Variants in LSAMP observed in about 807,000 individuals in gnomAD.
LSAMP encodes the protein limbic system associated membrane protein, also known as limbic system-associated membrane protein.
In LSAMP, 7 loss-of-function variants were observed where a neutral mutation model predicts 38.6. That is an observed-to-expected ratio of 0.18 (90% CI 0.10 to 0.34). The LOEUF is 0.34. LSAMP is among the 10% of genes least tolerant of loss of function. LSAMP has a pLI of 1.00. For synonymous variants in LSAMP, 154 were observed against 166.8 expected, an observed-to-expected ratio of 0.92 and a Z score of 0.59; for missense variants, 313 against 420.0, an observed-to-expected ratio of 0.75 and a Z score of 2.23.
chr3:116,275,944 C>T (rs750929037), intron 1 of LSAMP, among the ~76,000 whole-genome samples: 15 of 152,150 alleles, frequency 9.9e-5, no homozygotes, highest in Non-Finnish European at 2.1e-4. Context: ...CTTTTCATTT[C>T]ATTATGTAAA....
At chr3:116,175,766 T>C (rs1710323975) in intron 1 of LSAMP, among the ~76,000 whole-genome samples, 1 of 152,018 alleles carries the variant, frequency 6.6e-6, no homozygotes, top group Non-Finnish European at 1.5e-5. Flanking sequence ...TAAGTAGATA[T>C]ATTTGCAGGA....
rs977558298 is a variant in LSAMP at position 116,312,856 on chromosome 3, CTG to C, written c.155+132019_155+132020del. ...TGCAAGTGTGTGTGTATGTGTGTTT[CTG>C]TGTGTGTGTGTCTTCATCTGTAGAC... On this transcript the variant is annotated intron_variant, in intron 1 of 6. Coordinates refer to ENST00000490035, the MANE Select transcript of LSAMP (RefSeq NM_002338.5). Among the ~76,000 whole-genome samples the C allele has an allele frequency of 7.9e-5, 12 of 152,112 alleles. No individual in the cohort carries two copies. In the East Asian group the frequency reaches 9.7e-4, roughly 12 times the overall value.
chr3:116,185,001 C>T (rs547303762), intron 1 of LSAMP, among the ~76,000 whole-genome samples: 1 of 143,794 alleles, frequency 7.0e-6, no homozygotes, highest in African/African-American at 2.5e-5. Context: ...TGTGGTTTAA[C>T]TGCAGATTTT....
intron 1 of LSAMP, among the ~76,000 whole-genome samples, chr3:116,314,256 T>C (rs1276693852): frequency 6.6e-6 from 1 of 152,224 alleles, no homozygotes; most frequent in African/African-American, 2.4e-5. Context: ...TTACCCTCTC[T>C]ATACATCAGA....
At chr3:116,054,118 C>G (rs758481040) in intron 2 of LSAMP, among the ~76,000 whole-genome samples, 3 of 152,136 alleles carry the variant, frequency 2.0e-5, no homozygotes, top group Non-Finnish European at 4.4e-5. Flanking sequence ...CTTGCCTTCT[C>G]CAGTTTAAAG....
chr3:116,329,583 C>G (rs1257658296), intron 1 of LSAMP, among the ~76,000 whole-genome samples: 1 of 152,024 alleles, frequency 6.6e-6, no homozygotes, highest in African/African-American at 2.4e-5. Flanking sequence ...TCTTAGCTAT[C>G]AAAAATTACA....
At chr3:116,191,726 C>T (rs553207195) in intron 1 of LSAMP, among the ~76,000 whole-genome samples, 1 of 151,950 alleles carries the variant, frequency 6.6e-6, no homozygotes, top group South Asian at 2.1e-4. Flanking sequence ...CATGGTATTC[C>T]TGCAATTAGC....
intron 1 of LSAMP, among the ~76,000 whole-genome samples, chr3:116,317,331 C>T (rs2047642532): frequency 6.6e-6 from 1 of 151,586 alleles, no homozygotes; most frequent in African/African-American, 2.4e-5. Flanking sequence ...GGACACAATA[C>T]AAAGAGAGCC....
intron 1 of LSAMP, among the ~76,000 whole-genome samples, chr3:116,306,799 C>A (rs1486623895): frequency 6.6e-6 from 1 of 151,858 alleles, no homozygotes; most frequent in East Asian, 1.9e-4. Flanking sequence ...GTTTTATGTC[C>A]CAGCAATAAA....
At chr3:116,176,679 T>C (rs1178581438) in intron 1 of LSAMP, among the ~76,000 whole-genome samples, 2 of 152,172 alleles carry the variant, frequency 1.3e-5, no homozygotes, top group East Asian at 1.9e-4. Flanking sequence ...ACTGGCATCA[T>C]ATCTAATATC....
At chr3:115,918,907 A>G (rs1410473038) in intron 3 of LSAMP, among the ~76,000 whole-genome samples, 1 of 152,068 alleles carries the variant, frequency 6.6e-6, no homozygotes, top group Non-Finnish European at 1.5e-5. Flanking sequence ...ATCTTGTAAC[A>G]ATCCTATGAA....
intron 1 of LSAMP, among the ~76,000 whole-genome samples, chr3:116,175,847 G>A (rs940404012): frequency 4.6e-5 from 7 of 152,094 alleles, no homozygotes; most frequent in Admixed American, 4.6e-4. Context: ...GTACAATGCA[G>A]AGAACACTGC....
Position 116,373,410 on chromosome 3 carries a change from T to A in LSAMP, c.155+71467A>T, listed in dbSNP as rs566105519. On this transcript the variant is annotated intron_variant, in intron 1 of 6. Transcript: ENST00000490035. ...AAGGACGGAAAGTAGGATGGTGGCT[T>A]CTAGGAACTGGAAAGAAGAAGGAAT... Among the ~76,000 whole-genome samples the A allele has an allele frequency of 2.0e-5, 3 of 151,738 alleles. No individual in the cohort carries two copies. The East Asian group carries it at 5.8e-4, about 29-fold the overall frequency.
Position 115,810,427 on chromosome 3 carries a change from AGAG to A in LSAMP, c.920-16_920-14del, listed in dbSNP as rs764066086. 6 of 1,580,450 alleles carry A rather than the reference AGAG, an allele frequency of 3.8e-6. No homozygotes were observed. Among genetic ancestry groups the A allele is most frequent in the Middle Eastern group, 1.7e-4 (1 of 6,010 alleles). On this transcript the variant is annotated splice_polypyrimidine_tract_variant and intron_variant, in intron 6 of 6. Transcript: ENST00000490035. ...ACCGACCCAGGTCCTGCAGAGCAAA[AGAG>A]GAGAGAGAAAAAGAGAATGAGTTAC...
At chr3:115,967,255 TC>T in intron 3 of LSAMP, among the ~76,000 whole-genome samples, 1 of 152,290 alleles carries the variant, frequency 6.6e-6, no homozygotes, top group South Asian at 2.1e-4. Context: ...TCCACAAATC[TC>T]TAGGGCAGGG....
chr3:115,828,705 A>G (rs1286421126), intron 6 of LSAMP, among the ~76,000 whole-genome samples: 2 of 152,250 alleles, frequency 1.3e-5, no homozygotes, highest in Non-Finnish European at 2.9e-5. Flanking sequence ...AAGACTGCCA[A>G]TTACTTAAAC....
intron 3 of LSAMP, among the ~76,000 whole-genome samples, chr3:115,990,840 A>G (rs919769576): frequency 6.6e-6 from 1 of 152,064 alleles, no homozygotes; most frequent in African/African-American, 2.4e-5. Context: ...ATTTGAATGT[A>G]GATTCCTAGG....
rs1559747906 is a variant in LSAMP at position 116,113,407 on chromosome 3, TATATATA to T, written c.156-26858_156-26852del. On this transcript the variant is annotated intron_variant, in intron 1 of 6. Transcript: ENST00000490035. ...TTTAGAAATATGTTTGCCCTATATA[TATATATA>T]TATATATTTTTTTTTTTTTTTTTTT... is the stretch of plus-strand genomic sequence containing the variant. 2.0e-3 allele frequency among the ~76,000 whole-genome samples: 134 copies of T among 65,860 alleles called. 2 individuals carry two copies. The highest frequency in any genetic ancestry group is 3.0e-3 in the Non-Finnish European group (107 of 35,092). The allele number at this position is 65,860 out of a possible 152,430, so 43.2% of individuals were successfully genotyped here. A position where few individuals can be genotyped will look rare whatever the true frequency, so the allele number is the denominator to read the frequency against.
chr3:116,012,314 T>G (rs1213647404), intron 3 of LSAMP, among the ~76,000 whole-genome samples: 2 of 152,246 alleles, frequency 1.3e-5, no homozygotes, highest in African/African-American at 2.4e-5. Context: ...TCTCTGTTGC[T>G]GTTCAATGGC....
Sources: gnomAD v4.1 joint callset for allele counts (sites outside exome capture counted in the v4.1 genomes callset) on GRCh38, gnomAD v4.1.1 for gene constraint, MANE v1.5 for transcripts, NCBI Gene and HGNC (gene_info 2026-07-23, HGNC 2026-07-21) for gene names.